The following SNAP23 variants were observed in gnomAD, a reference collection of about 807,000 sequenced individuals.
SNAP23 encodes the protein synaptosomal-associated protein 23.
SNAP23 carries 11 observed loss-of-function variants against 29.0 expected under a neutral mutation model. The observed-to-expected ratio is 0.38, with a 90% CI of 0.24 to 0.63. The LOEUF (loss-of-function observed/expected upper bound fraction) is 0.63. SNAP23 is among the 20% of genes least tolerant of loss of function. The probability of loss-of-function intolerance (pLI) is 0.58; values close to 1 mark genes in which losing one functional copy is unlikely to be tolerated. For synonymous variants in SNAP23, 60 were observed against 82.9 expected (o/e 0.72, Z 1.50); for missense variants, 220 against 253.9 (o/e 0.87, Z 0.91).
chr15:42,523,859 C>G (rs1305475660), intron 5 of SNAP23, among the ~76,000 whole-genome samples: 1 of 152,144 alleles, frequency 6.6e-6, no homozygotes, highest in Admixed American at 6.6e-5. Context: ...CTCTGTCCCT[C>G]AGGCTGGAGT....
At chr15:42,494,511 T>TTTC (rs1491303098), upstream of SNAP23, among the ~76,000 whole-genome samples, 3 of 1,240 alleles carry the variant, frequency 2.4e-3, no homozygotes, top group African/African-American at 2.7e-3. Flanking sequence ...TTTTTCTTTC[T>TTTC]TTTTTTTTTT....
chr15:42,525,817 T>G (rs1566819733), intron 5 of SNAP23, among the ~76,000 whole-genome samples: 1 of 152,138 alleles, frequency 6.6e-6, no homozygotes, highest in African/African-American at 2.4e-5. Context: ...ATTCTTTGTT[T>G]ATAGACTATG....
At chr15:42,525,417 G>T (rs1196307743) in intron 5 of SNAP23, among the ~76,000 whole-genome samples, 6 of 77,812 alleles carry the variant, frequency 7.7e-5, no homozygotes, top group South Asian at 4.2e-4. Flanking sequence ...TTTTCCCCTT[G>T]TTACAGAAAG....
In SNAP23 at chr15:42,532,404, T is replaced by C. The variant is rs1188642313; in HGVS notation, c.*926T>C. On this transcript the variant is annotated 3_prime_UTR_variant, in exon 8 of 8. Coordinates refer to ENST00000249647, the MANE Select transcript of SNAP23 (RefSeq NM_003825.4). Reference sequence around the variant, plus strand: ...CTGGCTGAGTTTTCTTAAAGTGAGCTTAATTTCTGAACTCTTAGTGATTCA... The same window carrying C: ...CTGGCTGAGTTTTCTTAAAGTGAGCCTAATTTCTGAACTCTTAGTGATTCA... 6.6e-6 allele frequency: 1 copy of C among 152,226 alleles called. No individual in the cohort carries two copies. The highest frequency in any genetic ancestry group is 2.4e-5 in the African/African-American group (1 of 41,464). 9.4% of individuals were successfully genotyped at this position (152,226 alleles called of 1,614,324 possible).
upstream of SNAP23, chr15:42,492,939 G>A (rs17766258): frequency 0.11 from 16,622 of 152,248 alleles, 1,054 homozygotes; most frequent in Non-Finnish European, 0.15. Context: ...ACCACAGTCA[G>A]ATATTGGTGA....
intron 5 of SNAP23, among the ~76,000 whole-genome samples, chr15:42,525,834 T>G (rs2057497414): frequency 6.6e-6 from 1 of 152,152 alleles, no homozygotes; most frequent in East Asian, 1.9e-4. Flanking sequence ...TATGTTTCAA[T>G]TAAAAATCAT....
At chr15:42,498,820 T>C (rs2057245297) in intron 1 of SNAP23, among the ~76,000 whole-genome samples, 1 of 152,164 alleles carries the variant, frequency 6.6e-6, no homozygotes, top group Non-Finnish European at 1.5e-5. Flanking sequence ...TGACAGGTCA[T>C]GTGAAAGTAA....
At chr15:42,508,619 CAG>C (rs1425687784) in intron 1 of SNAP23, among the ~76,000 whole-genome samples, 7 of 152,320 alleles carry the variant, frequency 4.6e-5, no homozygotes, top group Middle Eastern at 6.8e-3. Flanking sequence ...ATTGCGATGT[CAG>C]GGGTGATTCC....
At chr15:42,518,855 G>T (rs2057419760) in intron 5 of SNAP23, among the ~76,000 whole-genome samples, 1 of 151,858 alleles carries the variant, frequency 6.6e-6, no homozygotes, top group Non-Finnish European at 1.5e-5. Context: ...GATATTAATT[G>T]GTTTCACTAC....
chr15:42,521,214 G>A (rs1009416131), intron 5 of SNAP23, among the ~76,000 whole-genome samples: 2 of 151,968 alleles, frequency 1.3e-5, no homozygotes, highest in Non-Finnish European at 2.9e-5. Context: ...AGTTTGACGT[G>A]TAAAAAGATT....
chr15:42,528,408 G>A lies in SNAP23; in HGVS notation c.413G>A (p.Gly138Glu). 2 of 1,614,080 alleles carry A rather than the reference G, an allele frequency of 1.2e-6. No homozygotes were observed. Among genetic ancestry groups the A allele is most frequent in the Non-Finnish European group, 1.7e-6 (2 of 1,180,004 alleles). The change falls in exon 6 of 8, where the codon GGA becomes GAA. Residue 138 changes from glycine to glutamate, a missense_variant. Coordinates refer to ENST00000249647, the MANE Select transcript of SNAP23 (RefSeq NM_003825.4). ...CCAACAACGGGAGCAGCCAGTGGTG[G>A]ATACATTAAACGGTATGCCAACTCC... is the stretch of plus-strand genomic sequence containing the variant. The part of the protein sequence containing the change: ...QQPTTGAASG[G>E]YIKRITNDAR...
intron 5 of SNAP23, chr15:42,521,873 C>T (rs2057452417): frequency 2.5e-6 from 1 of 402,878 alleles, no homozygotes. Context: ...ATAATACCAT[C>T]CTTTGACAAA....
intron 1 of SNAP23, among the ~76,000 whole-genome samples, chr15:42,499,661 ACT>A (rs920263041): frequency 3.9e-5 from 6 of 152,234 alleles, no homozygotes; most frequent in African/African-American, 9.6e-5. Flanking sequence ...TAAATATATA[ACT>A]CTTTCATATG....
At chr15:42,513,024 G>C in intron 3 of SNAP23, 28 bp downstream of exon 3, 3 of 1,545,440 alleles carry the variant, frequency 1.9e-6, no homozygotes. Flanking sequence ...ATCAACTTAA[G>C]TATAGAAATT....
At chr15:42,525,756 C>G (rs987772646) in intron 5 of SNAP23, among the ~76,000 whole-genome samples, 3 of 152,076 alleles carry the variant, frequency 2.0e-5, no homozygotes, top group Non-Finnish European at 4.4e-5. Context: ...ATCACCGCAC[C>G]CGGCCAAGAT....
chr15:42,502,887 G>A (rs1165512453), intron 1 of SNAP23, among the ~76,000 whole-genome samples: 1 of 152,160 alleles, frequency 6.6e-6, no homozygotes, highest in Non-Finnish European at 1.5e-5. Flanking sequence ...ATTTGACAGG[G>A]ACTTGAAGAC....
rs575343423 is a variant in SNAP23, at chr15:42,528,061, T to C, written c.267-201T>C. On this transcript the variant is annotated intron_variant, in intron 5 of 7. Transcript: ENST00000249647. ...GTATTTGGACCTTTTTAAAATTTTT[T>C]TTAGTGTCAATGGGTTTACATAATT... 37 of 472,292 alleles carry C rather than the reference T, an allele frequency of 7.8e-5. 1 individual carries two copies. The East Asian group carries it at 1.1e-3, about 14-fold the overall frequency. 29.3% of individuals were successfully genotyped at this position (472,292 alleles called of 1,614,324 possible). A position where few individuals can be genotyped will look rare whatever the true frequency, so the allele number is the denominator to read the frequency against.
upstream of SNAP23, among the ~76,000 whole-genome samples, chr15:42,493,688 T>A (rs547689347): frequency 7.9e-5 from 12 of 152,244 alleles, no homozygotes; most frequent in African/African-American, 2.2e-4. Context: ...CCCTCAATAT[T>A]GCTTACCAGT....
intron 1 of SNAP23, among the ~76,000 whole-genome samples, chr15:42,502,109 G>T (rs1005994807): frequency 2.0e-5 from 3 of 149,178 alleles, no homozygotes; most frequent in African/African-American, 7.4e-5. Flanking sequence ...CTGACTGCAA[G>T]CTCTGCCTCC....
Sources: allele counts gnomAD v4.1 joint callset (sites outside exome capture counted in the v4.1 genomes callset), GRCh38; gene constraint gnomAD v4.1.1; transcripts MANE v1.5; gene names NCBI Gene and HGNC (gene_info 2026-07-23, HGNC 2026-07-21).